The following MECOM variants were observed in gnomAD, a reference collection of about 807,000 sequenced individuals.
MECOM encodes MDS1 and EVI1 complex locus.
MECOM carries 13 observed loss-of-function variants against 116.3 expected under a neutral mutation model. That is an observed-to-expected ratio of 0.11 (90% CI 0.07 to 0.18). The LOEUF is 0.18. MECOM is among the 10% of genes least tolerant of loss of function. The pLI, the probability that MECOM is intolerant of heterozygous loss-of-function variation, is 1.00. For synonymous variants in MECOM, 528 were observed against 535.2 expected, an observed-to-expected ratio of 0.99 and a Z score of 0.19; for missense variants, 1,299 against 1,509.0, an observed-to-expected ratio of 0.86 and a Z score of 2.31.
rs112130257 is a variant in MECOM, at chr3:169,133,110, T to TACACAC, written c.511-1585_511-1580dup. 2.4e-3 allele frequency among the ~76,000 whole-genome samples: 360 copies of TACACAC among 147,386 alleles called. 1 individual carries two copies. The highest frequency in any genetic ancestry group is 0.016 in the South Asian group (75 of 4,636). ...ATTCTAAATATCTGAGCAAAACACA[T>TACACAC]ACACACACACACACACACACACATA... On this transcript the variant is annotated intron_variant, in intron 3 of 16. Coordinates refer to ENST00000651503, the MANE Select transcript of MECOM (RefSeq NM_004991.4).
chr3:169,464,791 T>A (rs1186859750), intron 1 of MECOM, among the ~76,000 whole-genome samples: 1 of 152,140 alleles, frequency 6.6e-6, no homozygotes, highest in Non-Finnish European at 1.5e-5. Flanking sequence ...CCATTGTTCA[T>A]GGTCATAATC....
intron 1 of MECOM, among the ~76,000 whole-genome samples, chr3:169,570,588 C>T (rs946407151): frequency 2.0e-5 from 3 of 152,278 alleles, no homozygotes; most frequent in Admixed American, 2.0e-4. Context: ...TGAAAATCCT[C>T]AGTAAAATAC....
At chr3:169,547,948 A>C (rs1359209136) in intron 1 of MECOM, among the ~76,000 whole-genome samples, 1 of 152,196 alleles carries the variant, frequency 6.6e-6, no homozygotes, top group Non-Finnish European at 1.5e-5. Context: ...AGGAGGGAAC[A>C]AACTCTGCAA....
rs1560061132 is a variant in MECOM at position 169,263,122 on chromosome 3, TATA to T, written c.375+118062_375+118064del. ...ATATATATATATATATATATATATA[TATA>T]TATGTTTTTTTTTTTTTTTTTGAGA... is the stretch of plus-strand genomic sequence containing the variant. On this transcript the variant is annotated intron_variant, in intron 2 of 16. Transcript: ENST00000651503. Among the ~76,000 whole-genome samples, 115 of 73,784 alleles carry T rather than the reference TATA, an allele frequency of 1.6e-3. 3 individuals are homozygous for T. Among genetic ancestry groups the T allele is most frequent in the African/African-American group, 6.7e-3 (97 of 14,460 alleles). 48.4% of individuals were successfully genotyped at this position (73,784 alleles called of 152,430 possible).
intron 2 of MECOM, among the ~76,000 whole-genome samples, chr3:169,313,786 G>A (rs1483855920): frequency 6.6e-6 from 1 of 152,184 alleles, no homozygotes; most frequent in Non-Finnish European, 1.5e-5. Flanking sequence ...GGAAGAGTAG[G>A]TGGAGAATCA....
At chr3:169,307,457 C>T (rs559570592) in intron 2 of MECOM, among the ~76,000 whole-genome samples, 26 of 152,202 alleles carry the variant, frequency 1.7e-4, no homozygotes, top group Non-Finnish European at 3.2e-4. Context: ...GCCTGTGGTC[C>T]CGGCTACTTG....
Position 169,663,642 on chromosome 3 carries a change from G to A in MECOM, c.-270C>T, listed in dbSNP as rs1241206600. The A allele has an allele frequency of 7.3e-6, 4 of 546,760 alleles. No individual in the cohort carries two copies. Among genetic ancestry groups the A allele is most frequent in the Admixed American group, 3.2e-5 (1 of 31,016 alleles). The allele number at this position is 546,760 out of a possible 1,614,324, so 33.9% of individuals were successfully genotyped here. ...TCTCCCTTTCTCTCAATCCACACTC[G>A]CTATCTCTCCAGCATTGTCAGTTTG... On this transcript the variant is annotated 5_prime_UTR_variant, in exon 1 of 17. Coordinates refer to ENST00000651503, the MANE Select transcript of MECOM (RefSeq NM_004991.4).
At chr3:169,635,362 A>C (rs1472294024) in intron 1 of MECOM, among the ~76,000 whole-genome samples, 1 of 152,202 alleles carries the variant, frequency 6.6e-6, no homozygotes, top group Non-Finnish European at 1.5e-5. Flanking sequence ...GCCATGGATC[A>C]CTTCCCATTG....
intron 1 of MECOM, among the ~76,000 whole-genome samples, chr3:169,554,310 C>A (rs1031942739): frequency 6.6e-6 from 1 of 152,154 alleles, no homozygotes; most frequent in East Asian, 1.9e-4. Context: ...AAAATGAACA[C>A]GTGCTGAGAT....
intron 1 of MECOM, among the ~76,000 whole-genome samples, chr3:169,564,452 A>G (rs912668007): frequency 6.6e-6 from 1 of 152,254 alleles, no homozygotes; most frequent in African/African-American, 2.4e-5. Flanking sequence ...CAAATAATCT[A>G]TATATGAAAT....
intron 1 of MECOM, among the ~76,000 whole-genome samples, chr3:169,661,731 C>T (rs1776310138): frequency 6.6e-6 from 1 of 152,190 alleles, no homozygotes; most frequent in South Asian, 2.1e-4. Flanking sequence ...GCTGCAGGGA[C>T]GCAGTGAGCA....
chr3:169,159,502 C>T (rs367695673), intron 2 of MECOM, among the ~76,000 whole-genome samples: 1 of 151,910 alleles, frequency 6.6e-6, no homozygotes, highest in South Asian at 2.1e-4. Context: ...GAAGTTGCGG[C>T]GAGCCAAGAT....
chr3:169,608,468 T>G (rs1768856645), intron 1 of MECOM, among the ~76,000 whole-genome samples: 1 of 151,898 alleles, frequency 6.6e-6, no homozygotes, highest in Non-Finnish European at 1.5e-5. Flanking sequence ...GCATCTGGAG[T>G]CAGCCTGGTG....
intron 1 of MECOM, among the ~76,000 whole-genome samples, chr3:169,481,185 G>A (rs1304789773): frequency 6.6e-6 from 1 of 152,086 alleles, no homozygotes; most frequent in African/African-American, 2.4e-5. Flanking sequence ...TGTGTTAATC[G>A]GTCATGGACA....
chr3:169,396,577 C>A (rs565775703), intron 1 of MECOM, among the ~76,000 whole-genome samples: 36 of 152,210 alleles, frequency 2.4e-4, no homozygotes, highest in African/African-American at 7.0e-4. Context: ...GTTTTACCTG[C>A]TTTAATGTGA....
intron 1 of MECOM, among the ~76,000 whole-genome samples, chr3:169,446,170 G>C (rs1484302394): frequency 6.6e-6 from 1 of 152,126 alleles, no homozygotes; most frequent in Non-Finnish European, 1.5e-5. Flanking sequence ...CATGAGATTT[G>C]GAGGGGCCAT....
At chr3:169,379,299 G>A (rs1188730192) in intron 2 of MECOM, among the ~76,000 whole-genome samples, 1 of 151,986 alleles carries the variant, frequency 6.6e-6, no homozygotes, top group Non-Finnish European at 1.5e-5. Context: ...TCAAAAGGAA[G>A]GGTAATCGTT....
chr3:169,112,750 G>A (rs1378662633), intron 9 of MECOM, 37 bp downstream of exon 9: 2 of 1,508,520 alleles, frequency 1.3e-6, no homozygotes, highest in Non-Finnish European at 1.8e-6. Context: ...CAACAAGTTA[G>A]TTTACAAGCT....
chr3:169,279,467 C>A (rs1711509748), intron 2 of MECOM, among the ~76,000 whole-genome samples: 1 of 151,810 alleles, frequency 6.6e-6, no homozygotes, highest in African/African-American at 2.4e-5. Context: ...GGAGGGAAAG[C>A]GGGTAAGTAG....
Sources: gnomAD v4.1 joint callset for allele counts (sites outside exome capture counted in the v4.1 genomes callset) on GRCh38, gnomAD v4.1.1 for gene constraint, MANE v1.5 for transcripts, NCBI Gene and HGNC (gene_info 2026-07-23, HGNC 2026-07-21) for gene names.